Variants in ZNF207 observed in about 807,000 individuals in gnomAD.
ZNF207 encodes zinc finger protein 207.
ZNF207 carries 24 observed loss-of-function variants against 60.2 expected under a neutral mutation model. That is an observed-to-expected ratio of 0.40 (90% CI 0.29 to 0.56). ZNF207 has a LOEUF of 0.56. Among genes scored for constraint, ZNF207 ranks in the 20% least tolerant of loss-of-function variants. The pLI is 0.49. For missense variants in ZNF207, 452 were observed against 636.6 expected, an observed-to-expected ratio of 0.71 and a Z score of 3.12; for synonymous variants, 236 against 194.7, an observed-to-expected ratio of 1.21 and a Z score of -1.77.
chr17:32,357,336 ATTATTATTATTATTATT>A (rs1260524398), intron 2 of ZNF207, among the ~76,000 whole-genome samples: 11 of 87,868 alleles, frequency 1.3e-4, no homozygotes, highest in Non-Finnish European at 2.1e-4. Context: ...TATTATTATT[ATTATTATTATTATTATT>A]TTTTTTTTTT....
Position 32,360,892 on chromosome 17 carries a change from G to T in ZNF207, c.476G>T (p.Gly159Val). 1 of 1,613,974 alleles carries T rather than the reference G, an allele frequency of 6.2e-7. No homozygotes were observed. Among genetic ancestry groups the T allele is most frequent in the Non-Finnish European group, 8.5e-7 (1 of 1,179,978 alleles). The change falls in exon 5 of 12, where the codon GGC (glycine) becomes GTC (valine). Residue 159 changes from glycine (G) to valine (V), a missense_variant and splice_region_variant. Physicochemically the swap from Gly to Val is moderately radical, Grantham distance 109 (BLOSUM62 -3). This residue lies in a region of ZNF207 where 390 missense variants were observed against 461.4 expected (regional missense o/e 0.85). Transcript: ENST00000394670. ...TTTTGATTGAAATTCTTGCTTGTAGGCATACCTCCATTAATGCCAGGTGTT... is the reference window on the plus strand; with the variant it reads ...TTTTGATTGAAATTCTTGCTTGTAGTCATACCTCCATTAATGCCAGGTGTT... ...PVPGAPGMPPGIPPLMPGVPP... is the reference protein window; with the variant it reads ...PVPGAPGMPPVIPPLMPGVPP...
intron 9 of ZNF207, among the ~76,000 whole-genome samples, chr17:32,367,411 A>G (rs1164559058): frequency 6.6e-6 from 1 of 151,148 alleles, no homozygotes; most frequent in East Asian, 1.9e-4. Context: ...TTAATAACTA[A>G]TTAATAGAAC....
Position 32,378,679 on chromosome 17 carries a change from A to G in ZNF207, c.*8920A>G, listed in dbSNP as rs974133953. On this transcript the variant is annotated 3_prime_UTR_variant, in exon 12 of 12. Transcript: ENST00000394670. ...GTGGGGACATAATGGGTTGTGGAAA[A>G]TGTGTTTTAACATTTTTATTTTTTT... The G allele has an allele frequency of 1.3e-5, 2 of 152,008 alleles. No homozygotes were observed. The highest frequency in any genetic ancestry group is 4.8e-5 in the African/African-American group (2 of 41,428). 9.4% of individuals were successfully genotyped at this position (152,008 alleles called of 1,614,324 possible). A position where few individuals can be genotyped will look rare whatever the true frequency, so the allele number is the denominator to read the frequency against.
chr17:32,357,355 T>TA (rs1904592203), intron 2 of ZNF207, among the ~76,000 whole-genome samples: 1 of 129,840 alleles, frequency 7.7e-6, no homozygotes, highest in African/African-American at 3.3e-5. Flanking sequence ...ATTATTATTT[T>TA]TTTTTTTTTT....
chr17:32,360,841 C>T, intron 4 of ZNF207, 51 bp from the exon 5 acceptor site: 1 of 1,612,356 alleles, frequency 6.2e-7, no homozygotes, highest in African/African-American at 1.3e-5. Flanking sequence ...ACTTTCTTCC[C>T]TCTAACTCTT....
intron 9 of ZNF207, among the ~76,000 whole-genome samples, chr17:32,367,211 T>C (rs1905202389): frequency 7.2e-6 from 1 of 138,002 alleles, no homozygotes. Flanking sequence ...CCATGATAAT[T>C]ATCCAGCCAT....
chr17:32,366,737 C>T lies in ZNF207; in HGVS notation c.901C>T (p.Leu301=). The change falls in exon 9 of 12, where the codon CTG becomes TTG. Residue 301 remains leucine (L), a synonymous_variant. Transcript: ENST00000394670. ...AAGTCTGTCTGCATCTTCTAAAGCT[C>T]TGTTTCCTAGCACAGCACAAGTACG... The part of the protein sequence containing the change: ...SESLSASSKA[L]FPSTAQAQAA... The T allele has an allele frequency of 6.2e-7, 1 of 1,610,684 alleles. No homozygotes were observed. Among genetic ancestry groups the T allele is most frequent in the South Asian group, 1.1e-5 (1 of 90,526 alleles).
rs1905666259 is a variant in ZNF207, at chr17:32,376,102, AT to A, written c.*6347del. 6.6e-6 allele frequency: 1 copy of A among 152,062 alleles called. No individual in the cohort carries two copies. The highest frequency in any genetic ancestry group is 1.5e-5 in the Non-Finnish European group (1 of 67,892). 9.4% of individuals were successfully genotyped at this position (152,062 alleles called of 1,614,324 possible). ...TCATGTACATAATGGATATTCATTAATTTTGTGATTAGTGCTGAGTTTTCTA... is the reference window on the plus strand; with the variant it reads ...TCATGTACATAATGGATATTCATTAATTTGTGATTAGTGCTGAGTTTTCTA... On this transcript the variant is annotated 3_prime_UTR_variant, in exon 12 of 12. Coordinates refer to ENST00000394670, the MANE Select transcript of ZNF207 (RefSeq NM_001098507.2).
chr17:32,353,448 C>G (rs138279634), intron 2 of ZNF207, among the ~76,000 whole-genome samples: 3 of 151,896 alleles, frequency 2.0e-5, no homozygotes, highest in Non-Finnish European at 4.4e-5. Context: ...TTATATAGAT[C>G]CTTTTCACTC....
chr17:32,364,593 C>T (rs1046495809), intron 7 of ZNF207, among the ~76,000 whole-genome samples: 8 of 151,824 alleles, frequency 5.3e-5, no homozygotes, highest in South Asian at 2.1e-4. Context: ...CTCCTGATCT[C>T]GTGATCCATC....
In ZNF207 at chr17:32,370,724, A is replaced by T. The variant is rs549392971; in HGVS notation, c.*965A>T. On this transcript the variant is annotated 3_prime_UTR_variant, in exon 12 of 12. Transcript: ENST00000394670. Reference sequence around the variant, plus strand: ...TTAGAGCCTAGTGCCAGACCCATTCATTTCCTTTTGATTATTTTTGAGACT... The same window carrying T: ...TTAGAGCCTAGTGCCAGACCCATTCTTTTCCTTTTGATTATTTTTGAGACT... The T allele has an allele frequency of 2.6e-5, 4 of 152,210 alleles. No homozygotes were observed. The highest frequency in any genetic ancestry group is 5.9e-5 in the Non-Finnish European group (4 of 68,010). The allele number at this position is 152,210 out of a possible 1,614,324, so 9.4% of individuals were successfully genotyped here.
intron 2 of ZNF207, among the ~76,000 whole-genome samples, chr17:32,357,383 C>T (rs1381424281): frequency 7.3e-6 from 1 of 136,242 alleles, no homozygotes; most frequent in South Asian, 2.3e-4. Context: ...GAATCTCGCT[C>T]TCTTGCCCAG....
At chr17:32,355,745 AAGGT>A (rs1184169551) in intron 2 of ZNF207, among the ~76,000 whole-genome samples, 4 of 152,324 alleles carry the variant, frequency 2.6e-5, no homozygotes, top group Non-Finnish European at 5.9e-5. Flanking sequence ...AAGGAGATGA[AAGGT>A]AGGAAAACCA....
chr17:32,350,188 C>A lies in ZNF207; in HGVS notation c.-98C>A, dbSNP rs756852155. 3 of 1,555,906 alleles carry A rather than the reference C, an allele frequency of 1.9e-6. No individual in the cohort carries two copies. The highest frequency in any genetic ancestry group is 2.3e-5 in the East Asian group (1 of 44,326). ...CATTTTGTGTCTGCTTCCTGTGGGACGTGGTGGTAGCCGTTGGGTTGGGAA... is the reference window on the plus strand; with the variant it reads ...CATTTTGTGTCTGCTTCCTGTGGGAAGTGGTGGTAGCCGTTGGGTTGGGAA... On this transcript the variant is annotated 5_prime_UTR_variant, in exon 1 of 12. Coordinates refer to ENST00000394670, the MANE Select transcript of ZNF207 (RefSeq NM_001098507.2).
intron 2 of ZNF207, among the ~76,000 whole-genome samples, chr17:32,358,086 T>C (rs1290126885): frequency 1.3e-5 from 2 of 152,230 alleles, no homozygotes; most frequent in Non-Finnish European, 2.9e-5. Flanking sequence ...GGCTATATTC[T>C]AATTCTTAAT....
Position 32,377,727 on chromosome 17 carries a change from G to A in ZNF207, c.*7968G>A, listed in dbSNP as rs1905725176. ...TAGTAAAATTGAGATGTGTCCAAGA[G>A]ATTTTCAATGTTAATTAGCTCATTC... On this transcript the variant is annotated 3_prime_UTR_variant, in exon 12 of 12. Transcript: ENST00000394670. The A allele has an allele frequency of 1.3e-5, 2 of 151,072 alleles. No individual in the cohort carries two copies. The highest frequency in any genetic ancestry group is 3.0e-5 in the Non-Finnish European group (2 of 67,670). 9.4% of individuals were successfully genotyped at this position (151,072 alleles called of 1,614,324 possible).
rs375891361 is a variant in ZNF207 at position 32,371,241 on chromosome 17, T to C, written c.*1482T>C. ...TTTTTCTCATTATAAAGTTAAGACTTCTAAGAAAATGGTAACATTTCTTTA... is the reference window on the plus strand; with the variant it reads ...TTTTTCTCATTATAAAGTTAAGACTCCTAAGAAAATGGTAACATTTCTTTA... On this transcript the variant is annotated 3_prime_UTR_variant, in exon 12 of 12. Coordinates refer to ENST00000394670, the MANE Select transcript of ZNF207 (RefSeq NM_001098507.2). 1.3e-5 allele frequency: 2 copies of C among 152,352 alleles called. No individual in the cohort carries two copies. Among genetic ancestry groups the C allele is most frequent in the East Asian group, 3.9e-4 (2 of 5,188 alleles). 9.4% of individuals were successfully genotyped at this position (152,352 alleles called of 1,614,324 possible). A position where few individuals can be genotyped will look rare whatever the true frequency, so the allele number is the denominator to read the frequency against.
intron 9 of ZNF207, among the ~76,000 whole-genome samples, 185 bp downstream of exon 9, chr17:32,366,942 A>T (rs114441289): frequency 6.6e-6 from 1 of 152,076 alleles, no homozygotes; most frequent in South Asian, 2.1e-4. Flanking sequence ...ACTACCCCGA[A>T]CTCCTGTGGT....
chr17:32,353,083 A>T (rs1474238184), intron 2 of ZNF207, among the ~76,000 whole-genome samples: 1 of 152,204 alleles, frequency 6.6e-6, no homozygotes, highest in Non-Finnish European at 1.5e-5. Context: ...CTGAGGCAAG[A>T]GAATCATTTG....
Sources: gnomAD v4.1 joint callset for allele counts (sites outside exome capture counted in the v4.1 genomes callset) on GRCh38, gnomAD v4.1.1 for gene constraint, gnomAD v4.1.1 regional missense constraint, MANE v1.5 for transcripts, NCBI Gene and HGNC (gene_info 2026-07-23, HGNC 2026-07-21) for gene names.